The following CDC14A variants were observed in gnomAD, a reference collection of about 807,000 sequenced individuals.
CDC14A encodes the protein dual specificity protein phosphatase CDC14A.
In CDC14A, 53 loss-of-function variants were observed where a neutral mutation model predicts 74.4. That is an observed-to-expected ratio of 0.71 (90% CI 0.57 to 0.89). The LOEUF (loss-of-function observed/expected upper bound fraction) is 0.89. CDC14A is among the 40% of genes least tolerant of loss of function. CDC14A has a pLI of 0.00. For missense variants in CDC14A, 646 were observed against 713.7 expected, an observed-to-expected ratio of 0.91 and a Z score of 1.08; for synonymous variants, 247 against 258.4, an observed-to-expected ratio of 0.96 and a Z score of 0.43.
At chr1:100,426,026 A>T (rs1045830421) in intron 5 of CDC14A, among the ~76,000 whole-genome samples, 2 of 152,226 alleles carry the variant, frequency 1.3e-5, no homozygotes, top group African/African-American at 4.8e-5. Flanking sequence ...TAAGGATCAA[A>T]TGAAGTAATA....
chr1:100,383,160 C>T (rs111618544), intron 3 of CDC14A, among the ~76,000 whole-genome samples: 19 of 152,224 alleles, frequency 1.2e-4, no homozygotes, highest in African/African-American at 4.1e-4. Context: ...GAGCATATAC[C>T]GAGTTTGCAA....
chr1:100,390,105 T>G (rs1440092565), intron 3 of CDC14A, among the ~76,000 whole-genome samples: 1 of 152,226 alleles, frequency 6.6e-6, no homozygotes, highest in African/African-American at 2.4e-5. Context: ...ATATAACAGG[T>G]GCTTAATAAC....
At chr1:100,478,747 C>T (rs997000276) in intron 10 of CDC14A, among the ~76,000 whole-genome samples, 1 of 152,150 alleles carries the variant, frequency 6.6e-6, no homozygotes, top group Non-Finnish European at 1.5e-5. Flanking sequence ...ATCCATAAAC[C>T]AAAAATTCCC....
chr1:100,356,238 G>T (rs1651866977), intron 2 of CDC14A, among the ~76,000 whole-genome samples: 1 of 152,178 alleles, frequency 6.6e-6, no homozygotes, highest in Admixed American at 6.5e-5. Flanking sequence ...GGCAGCCATG[G>T]TATGACTTGA....
upstream of CDC14A, among the ~76,000 whole-genome samples, chr1:100,350,663 A>G (rs1157747165): frequency 6.6e-6 from 1 of 152,350 alleles, no homozygotes; most frequent in South Asian, 2.1e-4. Flanking sequence ...TGTGCAATTA[A>G]AAGTTTATGA....
chr1:100,365,824 G>A (rs576263655), intron 2 of CDC14A, among the ~76,000 whole-genome samples: 2 of 152,038 alleles, frequency 1.3e-5, no homozygotes, highest in African/African-American at 2.4e-5. Flanking sequence ...TAATAATCAC[G>A]TCTCATACAG....
At chr1:100,406,497 G>A (rs2101026079) in intron 4 of CDC14A, among the ~76,000 whole-genome samples, 1 of 152,202 alleles carries the variant, frequency 6.6e-6, no homozygotes, top group Non-Finnish European at 1.5e-5. Flanking sequence ...TTTCTTCTGG[G>A]TTTTTATAGT....
In CDC14A at chr1:100,374,606, C is replaced by T. The variant is rs61548337; in HGVS notation, c.141-2940C>T. 9.4e-3 allele frequency among the ~76,000 whole-genome samples: 1,437 copies of T among 152,074 alleles called. 25 individuals are homozygous for T. Among genetic ancestry groups the T allele is most frequent in the African/African-American group, 0.033 (1,380 of 41,476 alleles). On this transcript the variant is annotated intron_variant, in intron 2 of 15. Transcript: ENST00000336454. Reference sequence around the variant, plus strand: ...GTAAAGGGACAGCTAAATTTGGTGCCACCTGTAATATAAATTTCAAAATAT... The same window carrying T: ...GTAAAGGGACAGCTAAATTTGGTGCTACCTGTAATATAAATTTCAAAATAT...
intron 10 of CDC14A, among the ~76,000 whole-genome samples, chr1:100,474,481 A>G (rs1668697670): frequency 6.6e-6 from 1 of 152,114 alleles, no homozygotes; most frequent in East Asian, 1.9e-4. Context: ...AAAATTATGA[A>G]TTCAATTTCC....
chr1:100,410,998 C>T (rs1273908682), intron 4 of CDC14A, among the ~76,000 whole-genome samples: 1 of 151,590 alleles, frequency 6.6e-6, no homozygotes, highest in Non-Finnish European at 1.5e-5. Flanking sequence ...AAGAACTGCT[C>T]TGGTAGAGCT....
chr1:100,370,414 C>T (rs1654307685), intron 2 of CDC14A, among the ~76,000 whole-genome samples: 1 of 151,992 alleles, frequency 6.6e-6, no homozygotes. Context: ...AGCCACGGCT[C>T]CTGGCCTCTT....
intron 15 of CDC14A, among the ~76,000 whole-genome samples, chr1:100,515,161 T>C (rs1000717203): frequency 2.0e-5 from 3 of 152,182 alleles, no homozygotes; most frequent in African/African-American, 7.2e-5. Context: ...CTTGTGTTTT[T>C]CCTTGAGGTT....
At chr1:100,429,736 C>T (rs1340774124) in intron 5 of CDC14A, among the ~76,000 whole-genome samples, 6 of 144,662 alleles carry the variant, frequency 4.1e-5, no homozygotes, top group Admixed American at 6.9e-5. Flanking sequence ...ATATATATAT[C>T]AAGTATATTT....
At chr1:100,468,206 T>TAAC in intron 10 of CDC14A, 112 bp downstream of exon 10, 1 of 1,193,726 alleles carries the variant, frequency 8.4e-7, no homozygotes, top group Admixed American at 2.0e-5. Flanking sequence ...GCTGCATTGT[T>TAAC]AAGAGAAGTG....
chr1:100,496,310 G>C (rs2101427968), intron 13 of CDC14A, among the ~76,000 whole-genome samples: 1 of 151,676 alleles, frequency 6.6e-6, no homozygotes, highest in African/African-American at 2.4e-5. Context: ...GCACATTGTG[G>C]AGGGGGGTCT....
At chr1:100,486,326 A>C (rs553930439) in intron 11 of CDC14A, among the ~76,000 whole-genome samples, 1 of 152,330 alleles carries the variant, frequency 6.6e-6, no homozygotes, top group Middle Eastern at 3.4e-3. Context: ...TAAGAAACTT[A>C]ACATTTATGT....
chr1:100,476,218 C>T (rs1267479816), intron 10 of CDC14A, among the ~76,000 whole-genome samples: 12 of 152,058 alleles, frequency 7.9e-5, no homozygotes, highest in Non-Finnish European at 1.0e-4. Context: ...TTTAGGAGGC[C>T]GAGGCGGGCA....
chr1:100,404,825 G>A (rs371868207), intron 4 of CDC14A, among the ~76,000 whole-genome samples: 1 of 151,176 alleles, frequency 6.6e-6, no homozygotes, highest in African/African-American at 2.4e-5. Context: ...GCGAGACTCC[G>A]TCTCAAAAAA....
intron 4 of CDC14A, among the ~76,000 whole-genome samples, chr1:100,397,654 C>T (rs1183912329): frequency 6.6e-6 from 1 of 152,010 alleles, no homozygotes; most frequent in Non-Finnish European, 1.5e-5. Context: ...GACTGTATAG[C>T]TTAGAAAATT....
Sources: allele counts gnomAD v4.1 joint callset (sites outside exome capture counted in the v4.1 genomes callset), GRCh38; gene constraint gnomAD v4.1.1; transcripts MANE v1.5; gene names NCBI Gene and HGNC (gene_info 2026-07-23, HGNC 2026-07-21).